DOK5: variants seen among roughly 807,000 people sequenced by gnomAD.
DOK5 encodes the protein downstream of tyrosine kinase 5.
DOK5 carries 27 observed loss-of-function variants against 43.3 expected under a neutral mutation model. The observed-to-expected ratio is 0.62, with a 90% CI of 0.46 to 0.86. The LOEUF (loss-of-function observed/expected upper bound fraction) is 0.86, where lower values mean the gene tolerates loss of function less well. Among genes scored for constraint, DOK5 ranks in the 40% least tolerant of loss-of-function variants. DOK5 has a pLI of 0.00. For missense variants in DOK5, 373 were observed against 392.9 expected, an observed-to-expected ratio of 0.95 and a Z score of 0.43; for synonymous variants, 146 against 140.1, an observed-to-expected ratio of 1.04 and a Z score of -0.30.
At chr20:54,619,970 T>C (rs952120146) in intron 6 of DOK5, among the ~76,000 whole-genome samples, 4 of 152,164 alleles carry the variant, frequency 2.6e-5, no homozygotes, top group Non-Finnish European at 5.9e-5. Flanking sequence ...TCTCCTACTC[T>C]CCCTTGTACC....
intron 1 of DOK5, among the ~76,000 whole-genome samples, chr20:54,543,561 G>GTGTGTGTA (rs1333374851): frequency 6.6e-6 from 1 of 151,510 alleles, no homozygotes; most frequent in African/African-American, 2.4e-5. Flanking sequence ...GTGTGTGTGT[G>GTGTGTGTA]TGTGTGTGTA....
chr20:54,616,815 TCTCA>T (rs1442710494), intron 6 of DOK5, among the ~76,000 whole-genome samples: 4 of 126,706 alleles, frequency 3.2e-5, no homozygotes, highest in Non-Finnish European at 4.7e-5. Flanking sequence ...AGAGAAGGAG[TCTCA>T]CTCTGTCGCC....
intron 7 of DOK5, among the ~76,000 whole-genome samples, chr20:54,646,466 TG>T (rs1979435269): frequency 1.3e-5 from 2 of 152,098 alleles, no homozygotes; most frequent in Non-Finnish European, 2.9e-5. Flanking sequence ...TTGCCCAGAC[TG>T]GTCTCAAACT....
intron 7 of DOK5, among the ~76,000 whole-genome samples, chr20:54,644,263 T>C (rs550730997): frequency 2.6e-5 from 4 of 152,264 alleles, no homozygotes; most frequent in Admixed American, 2.6e-4. Context: ...GTGGACAACA[T>C]GAACAATGAA....
chr20:54,572,458 G>A (rs558498315), intron 2 of DOK5, among the ~76,000 whole-genome samples: 4 of 152,026 alleles, frequency 2.6e-5, no homozygotes, highest in South Asian at 2.1e-4. Context: ...CACCGCATCC[G>A]GCCGCAACAT....
chr20:54,532,011 TG>T (rs1265662736), intron 1 of DOK5, among the ~76,000 whole-genome samples: 1 of 152,182 alleles, frequency 6.6e-6, no homozygotes, highest in East Asian at 1.9e-4. Flanking sequence ...AGCAAGCATT[TG>T]TTGAATACCT....
intron 1 of DOK5, among the ~76,000 whole-genome samples, chr20:54,521,675 A>C (rs1200010703): frequency 6.6e-6 from 1 of 152,176 alleles, no homozygotes; most frequent in Non-Finnish European, 1.5e-5. Context: ...AGATTTCATT[A>C]CTTAGGCATG....
At chr20:54,611,916 A>C (rs889581673) in intron 6 of DOK5, among the ~76,000 whole-genome samples, 1 of 152,232 alleles carries the variant, frequency 6.6e-6, no homozygotes, top group Non-Finnish European at 1.5e-5. Context: ...AGCCGGGGTC[A>C]GCAAATCTTC....
intron 1 of DOK5, among the ~76,000 whole-genome samples, chr20:54,532,646 T>A (rs918384793): frequency 3.9e-5 from 6 of 152,198 alleles, no homozygotes; most frequent in African/African-American, 1.4e-4. Flanking sequence ...ACTGCTGCTG[T>A]TCTCAGCCTC....
intron 5 of DOK5, among the ~76,000 whole-genome samples, chr20:54,604,560 A>G (rs952908920): frequency 6.6e-6 from 1 of 152,202 alleles, no homozygotes; most frequent in Admixed American, 6.5e-5. Flanking sequence ...CTATGTTTAC[A>G]TCCTTCACAG....
At position 54,651,145 on chromosome 20, in the gene DOK5, A is replaced by G. The variant is rs1211096379; in HGVS notation, c.*666A>G. The G allele has an allele frequency of 7.2e-5, 11 of 152,186 alleles. No individual in the cohort carries two copies. The highest frequency in any genetic ancestry group is 7.2e-4 in the Admixed American group (11 of 15,280). The allele number at this position is 152,186 out of a possible 1,614,324, so 9.4% of individuals were successfully genotyped here. ...TCGGAGTCTCTTCATAAAACATTTG[A>G]AAATAAAAGATCATTCTTCACCCAT... On this transcript the variant is annotated 3_prime_UTR_variant, in exon 8 of 8. Transcript: ENST00000262593.
At chr20:54,568,523 T>C (rs373222107) in intron 2 of DOK5, among the ~76,000 whole-genome samples, 5 of 152,374 alleles carry the variant, frequency 3.3e-5, no homozygotes, top group African/African-American at 1.2e-4. Flanking sequence ...AAAAATTCTA[T>C]TGACAAAAGA....
chr20:54,615,149 C>G (rs1986766168), intron 6 of DOK5, among the ~76,000 whole-genome samples: 1 of 152,132 alleles, frequency 6.6e-6, no homozygotes, highest in Admixed American at 6.5e-5. Flanking sequence ...GAATGTTGCA[C>G]TGTGGGGCCA....
chr20:54,602,134 C>T (rs937861649), intron 5 of DOK5, among the ~76,000 whole-genome samples: 1 of 152,168 alleles, frequency 6.6e-6, no homozygotes, highest in Admixed American at 6.5e-5. Context: ...TTCTCTTTGG[C>T]TTTGACGTTT....
intron 4 of DOK5, among the ~76,000 whole-genome samples, chr20:54,589,696 T>A (rs2146768207): frequency 6.6e-6 from 1 of 152,230 alleles, no homozygotes; most frequent in Non-Finnish European, 1.5e-5. Flanking sequence ...ATGGCAGAGA[T>A]GGAATTGTAC....
At chr20:54,514,564 G>A (rs1022649816) in intron 1 of DOK5, among the ~76,000 whole-genome samples, 3 of 147,418 alleles carry the variant, frequency 2.0e-5, no homozygotes, top group Admixed American at 2.0e-4. Flanking sequence ...AGCTTTACTA[G>A]CTTACTGAGA....
chr20:54,649,636 G>A (rs1050822796), intron 7 of DOK5, among the ~76,000 whole-genome samples: 1 of 152,166 alleles, frequency 6.6e-6, no homozygotes, highest in South Asian at 2.1e-4. Context: ...CCAGCAGGTG[G>A]CAGTAGAACC....
chr20:54,616,882 A>G (rs1312043051), intron 6 of DOK5, among the ~76,000 whole-genome samples: 1 of 143,020 alleles, frequency 7.0e-6, no homozygotes, highest in African/African-American at 2.6e-5. Context: ...CCGCCTCCTG[A>G]GTTCACCCAC....
intron 6 of DOK5, among the ~76,000 whole-genome samples, chr20:54,617,978 C>T (rs183508597): frequency 6.6e-6 from 1 of 152,186 alleles, no homozygotes; most frequent in African/African-American, 2.4e-5. Flanking sequence ...CATTTGTTCA[C>T]TCTCATTCAT....
Sources: gnomAD v4.1 joint callset for allele counts (sites outside exome capture counted in the v4.1 genomes callset) on GRCh38, gnomAD v4.1.1 for gene constraint, MANE v1.5 for transcripts, NCBI Gene and HGNC (gene_info 2026-07-23, HGNC 2026-07-21) for gene names.